The following PSME4 variants were observed in gnomAD, a reference collection of about 807,000 sequenced individuals.
PSME4 encodes proteasome activator subunit 4.
PSME4 carries 89 observed loss-of-function variants against 253.9 expected under a neutral mutation model. That is an observed-to-expected ratio of 0.35 (90% CI 0.30 to 0.42). The LOEUF (loss-of-function observed/expected upper bound fraction) is 0.42. Among genes scored for constraint, PSME4 ranks in the 10% least tolerant of loss-of-function variants. The pLI is 1.00. For synonymous variants in PSME4, 851 were observed against 759.2 expected (o/e 1.12, Z -1.99); for missense variants, 2,014 against 2,195.2 (o/e 0.92, Z 1.65).
chr2:53,890,346 G>A, intron 36 of PSME4, 138 bp from the exon 37 acceptor site: 1 of 629,504 alleles, frequency 1.6e-6, no homozygotes, highest in Non-Finnish European at 2.8e-6. Context: ...TCATGCTATT[G>A]CCCAGGCTGG....
intron 12 of PSME4, 59 bp downstream of exon 12, chr2:53,927,335 T>G: frequency 2.5e-6 from 3 of 1,189,976 alleles, no homozygotes; most frequent in Non-Finnish European, 3.8e-6. Context: ...AGTGTTACTA[T>G]GCATATGCAA....
intron 1 of PSME4, among the ~76,000 whole-genome samples, chr2:53,952,022 A>C (rs1670022774): frequency 6.6e-6 from 1 of 152,212 alleles, no homozygotes; most frequent in African/African-American, 2.4e-5. Flanking sequence ...GAATCATTAA[A>C]ATGTTATTTT....
At chr2:53,949,119 A>G (rs1254763873) in intron 2 of PSME4, 24 bp downstream of exon 2, 2 of 1,563,398 alleles carry the variant, frequency 1.3e-6, no homozygotes, top group Admixed American at 1.8e-5. Flanking sequence ...AAACCTTAAC[A>G]GAAACCTCTG....
intron 41 of PSME4, among the ~76,000 whole-genome samples, chr2:53,879,279 A>G (rs1489026271): frequency 6.6e-6 from 1 of 152,238 alleles, no homozygotes; most frequent in Admixed American, 6.5e-5. Flanking sequence ...TCAAATATCT[A>G]TTGGATCTAG....
intron 23 of PSME4, 46 bp from the exon 24 acceptor site, chr2:53,908,464 G>C: frequency 6.2e-7 from 1 of 1,611,800 alleles, no homozygotes; most frequent in Non-Finnish European, 8.5e-7. Context: ...ATCAATCCAA[G>C]CTTGATCGTA....
intron 36 of PSME4, among the ~76,000 whole-genome samples, chr2:53,892,248 G>C (rs1414411886): frequency 2.0e-5 from 3 of 152,136 alleles, no homozygotes; most frequent in Non-Finnish European, 4.4e-5. Flanking sequence ...TGCTCAGGTG[G>C]TCCTGACATT....
chr2:53,888,323 TCTAA>T (rs778618590), intron 38 of PSME4: 8 of 233,708 alleles, frequency 3.4e-5, no homozygotes, highest in Non-Finnish European at 6.6e-5. Flanking sequence ...ATTACTATTG[TCTAA>T]CTTTCTACAG....
At position 53,893,021 on chromosome 2, in the gene PSME4, C is replaced by T. The variant is rs977453826; in HGVS notation, c.4039-61G>A. The T allele has an allele frequency of 8.0e-5, 118 of 1,466,954 alleles. 3 individuals are homozygous for T. The South Asian group carries it at 1.2e-3, about 15-fold the overall frequency. 90.9% of individuals were successfully genotyped at this position (1,466,954 alleles called of 1,614,324 possible). ...GACTATCATCTCGATTATAATTATG[C>T]TTGTAATTATTCTGTACATTACTAA... is the stretch of plus-strand genomic sequence containing the variant. On this transcript the variant is annotated intron_variant, in intron 35 of 46. Coordinates refer to ENST00000404125, the MANE Select transcript of PSME4 (RefSeq NM_014614.3).
At chr2:53,899,321 C>T (rs1680285310) in intron 29 of PSME4, among the ~76,000 whole-genome samples, 2 of 152,008 alleles carry the variant, frequency 1.3e-5, no homozygotes, top group Non-Finnish European at 2.9e-5. Flanking sequence ...CCACCTCAGC[C>T]TCCCAAAGTG....
intron 29 of PSME4, among the ~76,000 whole-genome samples, chr2:53,898,644 C>T (rs894551101): frequency 6.6e-5 from 10 of 151,468 alleles, no homozygotes; most frequent in African/African-American, 9.7e-5. Context: ...CACACACACA[C>T]ACACACACAC....
chr2:53,885,074 T>G (rs1679573038), intron 41 of PSME4, among the ~76,000 whole-genome samples: 2 of 152,190 alleles, frequency 1.3e-5, no homozygotes, highest in African/African-American at 4.8e-5. Flanking sequence ...TTAACACTGT[T>G]TTCCTAACCA....
In PSME4 at chr2:53,906,616, A is replaced by G; in HGVS notation, c.2925T>C (p.Ser975=). The G allele has an allele frequency of 2.5e-6, 4 of 1,593,900 alleles. No individual in the cohort carries two copies. Among genetic ancestry groups the G allele is most frequent in the Non-Finnish European group, 3.4e-6 (4 of 1,171,436 alleles). ...QDMIRDLLRL[S]TSSYSQVRNK... ...GCCTTACCTGACTGTATGAACTTGTAGATAAACGAAGAAGATCTCTGATCA... is the reference window on the plus strand; with the variant it reads ...GCCTTACCTGACTGTATGAACTTGTGGATAAACGAAGAAGATCTCTGATCA... Residue 975 remains serine (S), a synonymous_variant, in exon 26 of 47, where the codon TCT becomes TCC. Transcript: ENST00000404125.
chr2:53,922,471 T>C (rs777830499), intron 17 of PSME4, 46 bp downstream of exon 17: 5 of 1,582,540 alleles, frequency 3.2e-6, no homozygotes, highest in Non-Finnish European at 4.3e-6. Context: ...TAAAAGCAAG[T>C]CAGTGTTTTC....
chr2:53,970,065 T>G (rs532939631), intron 1 of PSME4, among the ~76,000 whole-genome samples: 1 of 152,264 alleles, frequency 6.6e-6, no homozygotes, highest in South Asian at 2.1e-4. Flanking sequence ...TTCAGAAAGT[T>G]ACTAGACGCC....
At chr2:53,960,644 G>C (rs983227349) in intron 1 of PSME4, among the ~76,000 whole-genome samples, 1 of 152,114 alleles carries the variant, frequency 6.6e-6, no homozygotes, top group African/African-American at 2.4e-5. Flanking sequence ...CAGTCCCTTG[G>C]GGAAGTCATT....
chr2:53,950,804 G>A (rs1669944352), intron 1 of PSME4, among the ~76,000 whole-genome samples: 1 of 142,566 alleles, frequency 7.0e-6, no homozygotes, highest in Non-Finnish European at 1.5e-5. Context: ...GTGTGCCGTT[G>A]CACTCCAGCC....
At chr2:53,887,808 A>C (rs569514358) in intron 39 of PSME4, 50 bp downstream of exon 39, 42 of 1,504,584 alleles carry the variant, frequency 2.8e-5, no homozygotes, top group African/African-American at 1.1e-4. Context: ...AATTTAAAAA[A>C]AAACAAACAA....
intron 20 of PSME4, among the ~76,000 whole-genome samples, chr2:53,913,440 G>A (rs894342380): frequency 6.6e-6 from 1 of 152,150 alleles, no homozygotes; most frequent in African/African-American, 2.4e-5. Flanking sequence ...AATGAAGGCT[G>A]GGCGAATTGT....
intron 1 of PSME4, among the ~76,000 whole-genome samples, chr2:53,957,215 C>A (rs949265003): frequency 1.3e-5 from 2 of 152,082 alleles, no homozygotes; most frequent in Admixed American, 1.3e-4. Context: ...CAGAAAGGAC[C>A]GGTTTTGTGG....
Sources: allele counts gnomAD v4.1 joint callset (sites outside exome capture counted in the v4.1 genomes callset), GRCh38; gene constraint gnomAD v4.1.1; transcripts MANE v1.5; gene names NCBI Gene and HGNC (gene_info 2026-07-23, HGNC 2026-07-21).